The following CNBD1 variants were observed in gnomAD, a reference collection of about 807,000 sequenced individuals.
CNBD1 encodes cyclic nucleotide-binding domain-containing protein 1.
CNBD1 carries 71 observed loss-of-function variants against 54.4 expected under a neutral mutation model. The ratio of observed to expected loss-of-function variants is 1.30; its 90% CI spans 1.08 to 1.59. The LOEUF (loss-of-function observed/expected upper bound fraction) is 1.59. CNBD1 is among the 40% of genes most tolerant of loss of function. The pLI is 0.00. For missense variants in CNBD1, 659 were observed against 518.0 expected, an observed-to-expected ratio of 1.27 and a Z score of -2.64; for synonymous variants, 182 against 170.7, an observed-to-expected ratio of 1.07 and a Z score of -0.51.
At position 87,343,656 on chromosome 8, in the gene CNBD1, A is replaced by G. The variant is rs796510105; in HGVS notation, c.1043-8029A>G. The stretch of plus-strand genomic sequence containing the variant: ...GTACATTTTAACAAAGTTGAATACT[A>G]TAAAGTTAGTGGAACACTTTTTCAT... On this transcript the variant is annotated intron_variant, in intron 8 of 10. Transcript: ENST00000518476. Among the ~76,000 whole-genome samples the G allele has an allele frequency of 9.8e-5, 15 of 152,328 alleles. No individual in the cohort carries two copies. The East Asian group carries it at 2.5e-3, about 25-fold the overall frequency.
At chr8:86,992,685 C>G (rs966779161) in intron 4 of CNBD1, among the ~76,000 whole-genome samples, 1 of 152,008 alleles carries the variant, frequency 6.6e-6, no homozygotes, top group African/African-American at 2.4e-5. Flanking sequence ...CTCTTAGACT[C>G]TACTTGTCTG....
At chr8:87,120,714 T>C (rs1811872430) in intron 4 of CNBD1, among the ~76,000 whole-genome samples, 1 of 151,962 alleles carries the variant, frequency 6.6e-6, no homozygotes, top group South Asian at 2.1e-4. Context: ...ACTTCCCTGT[T>C]AGCACTGTTT....
intron 2 of CNBD1, among the ~76,000 whole-genome samples, chr8:87,425,318 G>T (rs1213271920): frequency 6.6e-6 from 1 of 152,160 alleles, no homozygotes; most frequent in Admixed American, 6.5e-5. Context: ...TCTTCTGTCA[G>T]CTCGTCAGTC....
intron 4 of CNBD1, among the ~76,000 whole-genome samples, chr8:87,048,742 C>T (rs1479163057): frequency 1.3e-5 from 2 of 152,204 alleles, no homozygotes; most frequent in African/African-American, 4.8e-5. Context: ...ACTTTTGGCA[C>T]ATGGGTGAAG....
At chr8:87,341,622 T>C (rs1476188503) in intron 8 of CNBD1, among the ~76,000 whole-genome samples, 1 of 152,206 alleles carries the variant, frequency 6.6e-6, no homozygotes, top group African/African-American at 2.4e-5. Context: ...GGCTCCACCC[T>C]CTTTGATGGG....
At chr8:87,283,292 C>A (rs1330004952) in intron 6 of CNBD1, among the ~76,000 whole-genome samples, 3 of 152,010 alleles carry the variant, frequency 2.0e-5, no homozygotes, top group African/African-American at 7.2e-5. Flanking sequence ...TTATAGTCTA[C>A]ACATTTTAAA....
chr8:86,907,658 CTCTA>C (rs1403563473), intron 3 of CNBD1, among the ~76,000 whole-genome samples: 1 of 151,010 alleles, frequency 6.6e-6, no homozygotes, highest in Admixed American at 6.6e-5. Context: ...CAGAGCATGA[CTCTA>C]TCTAAAAAAA....
chr8:86,894,035 A>ATTTTTTTTTTTTTTTTTTTTTTTT (rs869060076), intron 2 of CNBD1, among the ~76,000 whole-genome samples: 1 of 52,342 alleles, frequency 1.9e-5, no homozygotes. Context: ...TAATAGATTA[A>ATTTTTTTTTTTTTTTTTTTTTTTT]TTTTTTTTTT....
intron 8 of CNBD1, among the ~76,000 whole-genome samples, chr8:87,320,629 G>T (rs1303490170): frequency 6.9e-6 from 1 of 144,526 alleles, no homozygotes; most frequent in South Asian, 2.2e-4. Flanking sequence ...TGGGGGGGCG[G>T]CTCAGGGTAC....
intron 6 of CNBD1, among the ~76,000 whole-genome samples, chr8:87,241,830 T>C (rs1041380746): frequency 1.3e-5 from 2 of 152,156 alleles, no homozygotes; most frequent in African/African-American, 2.4e-5. Context: ...TTTATTTTCT[T>C]GGTAAGATAA....
chr8:87,267,474 G>T (rs930881343), intron 6 of CNBD1, among the ~76,000 whole-genome samples: 2 of 152,118 alleles, frequency 1.3e-5, no homozygotes, highest in African/African-American at 4.8e-5. Flanking sequence ...AAACGGGTTG[G>T]TATTAGATGC....
intron 2 of CNBD1, among the ~76,000 whole-genome samples, chr8:87,398,207 C>CTTTCTTTTTTTTTTTTTT (rs1181570235): frequency 1.3e-5 from 2 of 149,736 alleles, no homozygotes; most frequent in Admixed American, 6.6e-5. Context: ...GAAATATTTT[C>CTTTCTTTTTTTTTTTTTT]TTATTTTCTT....
intron 4 of CNBD1, among the ~76,000 whole-genome samples, chr8:86,974,584 A>G (rs1165615887): frequency 2.0e-5 from 3 of 152,054 alleles, no homozygotes; most frequent in Admixed American, 6.6e-5. Flanking sequence ...GACTAAGACA[A>G]TAATACATGC....
intron 4 of CNBD1, among the ~76,000 whole-genome samples, chr8:87,204,602 A>G (rs1170893522): frequency 2.6e-5 from 4 of 152,178 alleles, no homozygotes; most frequent in South Asian, 4.1e-4. Context: ...AACTAAGCAA[A>G]CAAAACAGAA....
chr8:87,215,456 C>T (rs879060227), intron 5 of CNBD1, among the ~76,000 whole-genome samples: 3 of 151,882 alleles, frequency 2.0e-5, no homozygotes, highest in Non-Finnish European at 2.9e-5. Flanking sequence ...GGCATGGTGG[C>T]GGGTGCCTGT....
chr8:87,312,231 A>C (rs1809283013), intron 8 of CNBD1, among the ~76,000 whole-genome samples: 1 of 152,124 alleles, frequency 6.6e-6, no homozygotes, highest in East Asian at 1.9e-4. Context: ...ATATTTTGAC[A>C]TAATCTATTT....
At position 86,868,825 on chromosome 8, in the gene CNBD1, A is replaced by C. The variant is rs535495922; in HGVS notation, c.88+2242A>C. On this transcript the variant is annotated intron_variant, in intron 1 of 10. Coordinates refer to ENST00000518476, the MANE Select transcript of CNBD1 (RefSeq NM_173538.3). ...ATAGGTTATACTACATGTTAGGGGG[A>C]ATTGAGGCTGCACATGCAATTAAAG... 2.3e-4 allele frequency among the ~76,000 whole-genome samples: 35 copies of C among 152,214 alleles called. 1 individual carries two copies. In the South Asian group the frequency reaches 6.9e-3, roughly 30 times the overall value.
intron 4 of CNBD1, among the ~76,000 whole-genome samples, chr8:87,155,013 G>A (rs1812684460): frequency 6.6e-6 from 1 of 152,136 alleles, no homozygotes; most frequent in Admixed American, 6.5e-5. Context: ...TGCCAGCTGG[G>A]AGCACCTGCT....
intron 4 of CNBD1, among the ~76,000 whole-genome samples, chr8:87,204,738 A>G (rs547883007): frequency 6.6e-6 from 1 of 152,238 alleles, no homozygotes; most frequent in South Asian, 2.1e-4. Context: ...AAAAAAGAAA[A>G]ACCTCTGTCT....
Sources: gnomAD v4.1 joint callset for allele counts (sites outside exome capture counted in the v4.1 genomes callset) on GRCh38, gnomAD v4.1.1 for gene constraint, MANE v1.5 for transcripts, NCBI Gene and HGNC (gene_info 2026-07-23, HGNC 2026-07-21) for gene names.